The following DST variants were observed in gnomAD, a reference collection of about 807,000 sequenced individuals.
DST encodes the protein bullous pemphigoid antigen.
DST carries 253 observed loss-of-function variants against 875.2 expected under a neutral mutation model. The ratio of observed to expected loss-of-function variants is 0.29; its 90% confidence interval spans 0.26 to 0.32. The LOEUF is 0.32. DST is among the 10% of genes least tolerant of loss of function. The probability of loss-of-function intolerance (pLI) is 1.00; values close to 1 mark genes in which losing one functional copy is unlikely to be tolerated. For synonymous variants in DST, 3,124 were observed against 3,197.1 expected (o/e 0.98, Z 0.77); for missense variants, 8,287 against 9,111.6 (o/e 0.91, Z 3.68).
chr6:56,782,877 C>T (rs919679129), intron 4 of DST, among the ~76,000 whole-genome samples: 2 of 152,192 alleles, frequency 1.3e-5, no homozygotes, highest in East Asian at 1.9e-4. Context: ...ATAAATTTCC[C>T]TCTACACACT....
In DST at chr6:56,487,174, G is replaced by C. The variant is rs80260070; in HGVS notation, c.20977C>G (p.Leu6993Val). The C allele has an allele frequency of 0.013, 21,213 of 1,613,852 alleles. 1,090 individuals carry two copies. In the East Asian group the frequency reaches 0.14, roughly 10 times the overall value. ...TCACTCAGCATGTCATCCAGTTTCA[G>C]GTTGTCATCAGCCAGGGAGGTTTTC... is the stretch of plus-strand genomic sequence containing the variant. ...KEKTSLADDN[L>V]KLDDMLSELR... The change falls in exon 87 of 104, where the codon CTG (leucine) becomes GTG (valine). Residue 6993 changes from leucine (L) to valine (V), a missense_variant. Coordinates refer to ENST00000680361, the MANE Select transcript of DST (RefSeq NM_001374736.1).
chr6:56,586,924 C>A (rs1429736114), intron 49 of DST, among the ~76,000 whole-genome samples: 1 of 152,022 alleles, frequency 6.6e-6, no homozygotes, highest in African/African-American at 2.4e-5. Context: ...TCACCATCAT[C>A]AAAGACCAAA....
In DST at chr6:56,560,518, A is replaced by G; in HGVS notation, c.14311-95T>C. ...TATTTTTCTCTAGAATAATGAAAAGAGGAAAAAATCTACTGTTAAATGTTG... is the reference window on the plus strand; with the variant it reads ...TATTTTTCTCTAGAATAATGAAAAGGGGAAAAAATCTACTGTTAAATGTTG... On this transcript the variant is annotated intron_variant, in intron 57 of 103. Transcript: ENST00000680361. 1.6e-5 allele frequency: 21 copies of G among 1,340,380 alleles called. No individual in the cohort carries two copies. The South Asian group carries it at 3.0e-4, about 19-fold the overall frequency. The allele number at this position is 1,340,380 out of a possible 1,614,324, so 83.0% of individuals were successfully genotyped here.
Position 56,601,588 on chromosome 6 carries a change from T to C in DST, c.11396A>G (p.Asp3799Gly). Reference protein sequence around the residue: ...VQFFISEYAQDLSPNQSKQLL... With the variant: ...VQFFISEYAQGLSPNQSKQLL... Reference sequence around the variant, plus strand: ...TTGTTTGCTTTGGTTGGGAGACAGATCCTGTGCATATTCAGAAATGAAGAA... The same window carrying C: ...TTGTTTGCTTTGGTTGGGAGACAGACCCTGTGCATATTCAGAAATGAAGAA... Residue 3799 changes from aspartate to glycine, a missense_variant, in exon 44 of 104, where the codon GAT (aspartate) becomes GGT (glycine). Physicochemically the swap from Asp to Gly is moderately conservative, Grantham distance 94 (BLOSUM62 -1). Around this residue, in one of 10 missense-constraint regions of DST, gnomAD observed 3,138 missense variants for 3,116.6 expected, o/e 1.01. Transcript: ENST00000680361. 1 of 1,602,378 alleles carries C rather than the reference T, an allele frequency of 6.2e-7. No homozygotes were observed. The highest frequency in any genetic ancestry group is 2.2e-5 in the East Asian group (1 of 44,540).
At position 56,552,703 on chromosome 6, in the gene DST, A is replaced by C. The variant is rs373281280; in HGVS notation, c.16089T>G (p.His5363Gln). ...CATCAACCTGCTGACTTAGTGTACT[A>C]TGCTCTTGAGCTATGGTTTCCACTT... is the stretch of plus-strand genomic sequence containing the variant. ...LLQVETIAQE[H>Q]STLSQQVDEK... Residue 5363 changes from histidine (H) to glutamine (Q), a missense_variant, in exon 61 of 104, where the codon CAT becomes CAG. Around this residue, in one of 10 missense-constraint regions of DST, gnomAD observed 1,513 missense variants for 1,677.8 expected, o/e 0.90. Coordinates refer to ENST00000680361, the MANE Select transcript of DST (RefSeq NM_001374736.1). 1.2e-6 allele frequency: 2 copies of C among 1,613,196 alleles called. No homozygotes were observed. Among genetic ancestry groups the C allele is most frequent in the African/African-American group, 2.7e-5 (2 of 74,944 alleles).
In DST at chr6:56,555,526, T is replaced by C; in HGVS notation, c.14955A>G (p.Gln4985=). ...TCATTTTTTGGGCTGTTTCCAACTG[T>C]TGGTTCATAGCATCAGGGTGCGTGC... ...AVSTHPDAMN[Q]QLETAQKMKQ... Residue 4985 remains glutamine (Q), a synonymous_variant, in exon 60 of 104, where the codon CAA becomes CAG. Coordinates refer to ENST00000680361, the MANE Select transcript of DST (RefSeq NM_001374736.1). The C allele has an allele frequency of 6.2e-7, 1 of 1,614,024 alleles. No individual in the cohort carries two copies. The highest frequency in any genetic ancestry group is 8.5e-7 in the Non-Finnish European group (1 of 1,179,894).
chr6:56,871,776 T>TAAA (rs746142378), intron 3 of DST: 9 of 95,500 alleles, frequency 9.4e-5, no homozygotes, highest in South Asian at 2.1e-4. Context: ...CAATTAAAAG[T>TAAA]AAAAAAAAAA....
rs543691284 is a variant in DST at position 56,572,774 on chromosome 6, A to G, written c.13527T>C (p.Asp4509=). The change falls in exon 52 of 104, where the codon GAT becomes GAC. Residue 4509 remains aspartate (D), a synonymous_variant. Transcript: ENST00000680361. ...GCATATACTGAGACAATTCAGTAAC[A>G]TCTTTTCCTGGCACATCTACTTCAG... The part of the protein sequence containing the change: ...ALTEVDVPGK[D]VTELSQYMQE... 1.1e-5 allele frequency: 18 copies of G among 1,602,462 alleles called. No individual in the cohort carries two copies. The African/African-American group carries it at 2.0e-4, about 18-fold the overall frequency.
chr6:56,468,091 A>G (rs977892207), intron 98 of DST, among the ~76,000 whole-genome samples: 2 of 152,174 alleles, frequency 1.3e-5, no homozygotes, highest in African/African-American at 2.4e-5. Flanking sequence ...TGGCTTTAAA[A>G]TGGAGTGGCA....
chr6:56,640,338 A>C lies in DST; in HGVS notation c.2295T>G (p.Ala765=). Reference sequence around the variant, plus strand: ...ATCCTGATGGGAAACCAGGTGTATAAGCTGGAGTGACAGATGGAGTCAGGC... The same window carrying C: ...ATCCTGATGGGAAACCAGGTGTATACGCTGGAGTGACAGATGGAGTCAGGC... ...TSRLTPSVTP[A]YTPGFPSGLV... Residue 765 remains alanine (A), a synonymous_variant, in exon 18 of 104, where the codon GCT becomes GCG. Transcript: ENST00000680361. The C allele has an allele frequency of 6.2e-7, 1 of 1,614,182 alleles. No individual in the cohort carries two copies. Among genetic ancestry groups the C allele is most frequent in the Non-Finnish European group, 8.5e-7 (1 of 1,180,026 alleles).
chr6:56,699,227 C>A (rs2099279741), intron 9 of DST, among the ~76,000 whole-genome samples: 1 of 152,166 alleles, frequency 6.6e-6, no homozygotes, highest in African/African-American at 2.4e-5. Flanking sequence ...CTTCACATCT[C>A]TTTATAATTA....
chr6:56,699,985 C>CA (rs1444591367), intron 8 of DST, among the ~76,000 whole-genome samples: 1 of 152,210 alleles, frequency 6.6e-6, no homozygotes. Context: ...CAGGGATCCC[C>CA]AACCTAACCC....
chr6:56,606,156 T>G lies in DST; in HGVS notation c.8472A>C (p.Gly2824=). 6.2e-7 allele frequency: 1 copy of G among 1,606,758 alleles called. No individual in the cohort carries two copies. Among genetic ancestry groups the G allele is most frequent in the Non-Finnish European group, 8.5e-7 (1 of 1,175,532 alleles). ...EEGGGIRDEN[G]KPRCQNVAED... is the part of the protein sequence containing the mutation. ...CAGCCACATTTTGGCACCTGGGCTT[T>G]CCATTCTCATCTCTTATACCTCCTC... is the stretch of plus-strand genomic sequence containing the variant. The change falls in exon 40 of 104, where the codon GGA becomes GGC. Residue 2824 remains glycine (G), a synonymous_variant. Coordinates refer to ENST00000680361, the MANE Select transcript of DST (RefSeq NM_001374736.1).
At position 56,615,628 on chromosome 6, in the gene DST, T is replaced by C. The variant is rs145110038; in HGVS notation, c.4930-1144A>G. 83 of 1,614,048 alleles carry C rather than the reference T, an allele frequency of 5.1e-5. No individual in the cohort carries two copies. The African/African-American group carries it at 1.1e-3, about 21-fold the overall frequency. ...CAGCTTTTTCTAAGGCTTCTTTATA[T>C]GTCAACTTTCTTTTTGTCTGAGGGC... On this transcript the variant is annotated intron_variant, in intron 36 of 103. Coordinates refer to ENST00000680361, the MANE Select transcript of DST (RefSeq NM_001374736.1).
At chr6:56,932,091 G>T (rs1212581525) in intron 2 of DST, among the ~76,000 whole-genome samples, 1 of 152,130 alleles carries the variant, frequency 6.6e-6, no homozygotes, top group African/African-American at 2.4e-5. Context: ...ATCTCATCTT[G>T]AATTGTACTC....
intron 63 of DST, among the ~76,000 whole-genome samples, chr6:56,534,813 T>G (rs966840332): frequency 6.6e-6 from 1 of 152,156 alleles, no homozygotes; most frequent in Non-Finnish European, 1.5e-5. Context: ...ACTTGCTAAC[T>G]TATCACCATT....
intron 2 of DST, among the ~76,000 whole-genome samples, chr6:56,938,462 T>C (rs188749638): frequency 1.3e-5 from 2 of 152,196 alleles, no homozygotes; most frequent in East Asian, 1.9e-4. Flanking sequence ...TAAAAACGTC[T>C]GGTAGAAGTA....
intron 49 of DST, among the ~76,000 whole-genome samples, chr6:56,580,185 T>C (rs755409632): frequency 2.0e-5 from 3 of 152,194 alleles, no homozygotes; most frequent in South Asian, 2.1e-4. Flanking sequence ...TTGGTTACAG[T>C]AGCCACATTT....
At chr6:56,717,461 T>C (rs1295801020) in intron 5 of DST, among the ~76,000 whole-genome samples, 2 of 151,224 alleles carry the variant, frequency 1.3e-5, no homozygotes, top group Non-Finnish European at 2.9e-5. Context: ...ACTGCCTTTG[T>C]AAAGCTAATG....
Sources: allele counts gnomAD v4.1 joint callset (sites outside exome capture counted in the v4.1 genomes callset), GRCh38; gene constraint gnomAD v4.1.1; regional missense constraint gnomAD v4.1.1; transcripts MANE v1.5; gene names NCBI Gene and HGNC (gene_info 2026-07-23, HGNC 2026-07-21).